Variants in NAA25 observed in about 807,000 individuals in gnomAD.
The protein encoded by NAA25 is N-terminal acetyltransferase B complex subunit NAA25.
A neutral mutation model predicts 132.5 loss-of-function variants in NAA25; 30 were observed. The observed-to-expected ratio is 0.23, with a 90% CI of 0.17 to 0.31. NAA25 has a LOEUF of 0.31. NAA25 is among the 10% of genes least tolerant of loss of function. The probability of loss-of-function intolerance (pLI) is 1.00; values close to 1 mark genes in which losing one functional copy is unlikely to be tolerated. For missense variants in NAA25, 771 were observed against 1,150.4 expected, an observed-to-expected ratio of 0.67 and a Z score of 4.77; for synonymous variants, 359 against 401.9, an observed-to-expected ratio of 0.89 and a Z score of 1.28.
intron 22 of NAA25, among the ~76,000 whole-genome samples, chr12:112,037,076 G>C (rs2078233515): frequency 6.6e-6 from 1 of 151,730 alleles, no homozygotes; most frequent in South Asian, 2.1e-4. Flanking sequence ...TACCAAGTAT[G>C]TGGAGCATTT....
chr12:112,107,749 G>GTAA (rs2079383838), intron 1 of NAA25, among the ~76,000 whole-genome samples: 1 of 152,098 alleles, frequency 6.6e-6, no homozygotes. Flanking sequence ...CACTGACCTT[G>GTAA]AAGCTTCCTC....
intron 1 of NAA25, among the ~76,000 whole-genome samples, chr12:112,094,362 G>A (rs1461444984): frequency 6.6e-6 from 1 of 151,444 alleles, no homozygotes; most frequent in Admixed American, 6.6e-5. Flanking sequence ...ATATTTAGAT[G>A]AGATGACATT....
intron 2 of NAA25, among the ~76,000 whole-genome samples, chr12:112,091,972 G>A (rs2079136883): frequency 6.6e-6 from 1 of 152,252 alleles, no homozygotes; most frequent in African/African-American, 2.4e-5. Context: ...CAGGCACAGT[G>A]GCTCACGCCT....
chr12:112,102,573 G>A (rs1429538884), intron 1 of NAA25, among the ~76,000 whole-genome samples: 1 of 152,048 alleles, frequency 6.6e-6, no homozygotes, highest in Non-Finnish European at 1.5e-5. Flanking sequence ...ATAGTTTTTT[G>A]TTTATTTGTT....
In NAA25 at chr12:112,108,745, G is replaced by C. The variant is rs1350777616; in HGVS notation, c.29C>G (p.Pro10Arg). The change falls in exon 1 of 24, where the codon CCT becomes CGT. Residue 10 changes from proline (P) to arginine (R), a missense_variant. By Grantham distance (103) the Pro-to-Arg change is moderately radical (BLOSUM62 -2). Around this residue, in one of 3 missense-constraint regions of NAA25, gnomAD observed 30 missense variants for 16.6 expected, o/e 1.81. Coordinates refer to ENST00000261745, the MANE Select transcript of NAA25 (RefSeq NM_024953.4). ...AATGGGCCGGAGGCGCCTGTCGTTA[G>C]GGTCCTGCACATGGCCCCGCGTCGC... MATRGHVQD[P>R]NDRRLRPIYD... The C allele has an allele frequency of 1.2e-5, 19 of 1,529,930 alleles. No homozygotes were observed. Among genetic ancestry groups the C allele is most frequent in the Non-Finnish European group, 1.6e-5 (18 of 1,136,072 alleles). 94.8% of individuals were successfully genotyped at this position (1,529,930 alleles called of 1,614,324 possible).
intron 22 of NAA25, among the ~76,000 whole-genome samples, chr12:112,037,289 T>C (rs1593746140): frequency 1.1e-5 from 1 of 91,206 alleles, no homozygotes; most frequent in South Asian, 3.1e-4. Flanking sequence ...TATATATATA[T>C]ATATATATAT....
intron 3 of NAA25, 152 bp downstream of exon 3, chr12:112,090,574 C>CT (rs780408498): frequency 8.1e-6 from 5 of 620,860 alleles, no homozygotes; most frequent in Non-Finnish European, 1.3e-5. Context: ...ACTATCCTTT[C>CT]TATCTACAGT....
At chr12:112,108,040 T>G (rs1878665668) in intron 1 of NAA25, among the ~76,000 whole-genome samples, 1 of 151,730 alleles carries the variant, frequency 6.6e-6, no homozygotes, top group African/African-American at 2.4e-5. Flanking sequence ...CTCCAGTAGC[T>G]CTGCATGCCC....
intron 17 of NAA25, among the ~76,000 whole-genome samples, chr12:112,045,486 C>CAAA (rs75644384): frequency 6.1e-4 from 49 of 80,042 alleles, no homozygotes; most frequent in Non-Finnish European, 1.1e-3. Context: ...GACTCCATCA[C>CAAA]AAAAAAAAAA....
chr12:112,053,645 G>T lies in NAA25; in HGVS notation c.1641C>A (p.Thr547=), dbSNP rs758796360. 6.2e-7 allele frequency: 1 copy of T among 1,603,106 alleles called. No individual in the cohort carries two copies. The highest frequency in any genetic ancestry group is 1.1e-5 in the South Asian group (1 of 89,712). The change falls in exon 15 of 24, where the codon ACC becomes ACA. Residue 547 remains threonine (T), a synonymous_variant. Coordinates refer to ENST00000261745, the MANE Select transcript of NAA25 (RefSeq NM_024953.4). ...ACTGACCTAGAGATTCAGCATATCG[G>T]GTCAAAAGATAACTAGATCAGAAGG... ...IQHDTIGYLL[T]RYAESLGQYA...
chr12:112,063,380 G>T (rs2136865744), intron 11 of NAA25, among the ~76,000 whole-genome samples: 1 of 152,288 alleles, frequency 6.6e-6, no homozygotes, highest in South Asian at 2.1e-4. Flanking sequence ...CTAAGTGTGA[G>T]TAGAACAGCC....
chr12:112,069,519 A>G (rs1393220433), intron 10 of NAA25, among the ~76,000 whole-genome samples: 1 of 152,004 alleles, frequency 6.6e-6, no homozygotes, highest in Non-Finnish European at 1.5e-5. Flanking sequence ...AAATTAAATT[A>G]AGTTAAAGAT....
chr12:112,108,313 T>C (rs780477471), intron 1 of NAA25, among the ~76,000 whole-genome samples: 15 of 152,186 alleles, frequency 9.9e-5, no homozygotes, highest in South Asian at 8.3e-4. Context: ...TAAAAAAAAA[T>C]CTCTGGTAGG....
intron 13 of NAA25, among the ~76,000 whole-genome samples, chr12:112,057,408 T>C (rs900794880): frequency 1.3e-5 from 2 of 152,166 alleles, no homozygotes; most frequent in Non-Finnish European, 2.9e-5. Context: ...AGCCTATCTG[T>C]GTGGGGATCA....
At chr12:112,047,120 T>C (rs1459038951) in intron 17 of NAA25, among the ~76,000 whole-genome samples, 2 of 152,176 alleles carry the variant, frequency 1.3e-5, no homozygotes, top group Non-Finnish European at 2.9e-5. Flanking sequence ...TGAGCTATAC[T>C]TTCTTCATTT....
At chr12:112,057,871 C>T (rs982495068) in intron 13 of NAA25, among the ~76,000 whole-genome samples, 11 of 152,124 alleles carry the variant, frequency 7.2e-5, no homozygotes, top group Admixed American at 7.2e-4. Flanking sequence ...GTCCCAGCTA[C>T]CTGGGAGGCT....
At chr12:112,041,430 T>TCA (rs2078300284) in intron 20 of NAA25, among the ~76,000 whole-genome samples, 1 of 152,024 alleles carries the variant, frequency 6.6e-6, no homozygotes, top group African/African-American at 2.4e-5. Context: ...CCTCGTGATC[T>TCA]GCCTGCCTCA....
chr12:112,091,391 T>C (rs2079127882), intron 2 of NAA25, among the ~76,000 whole-genome samples: 1 of 150,434 alleles, frequency 6.6e-6, no homozygotes, highest in Non-Finnish European at 1.5e-5. Context: ...TAGAAAAAAT[T>C]TGAAGGAAAA....
At chr12:112,095,924 A>G (rs1000920478) in intron 1 of NAA25, among the ~76,000 whole-genome samples, 1 of 152,194 alleles carries the variant, frequency 6.6e-6, no homozygotes, top group African/African-American at 2.4e-5. Context: ...TACATTTGTC[A>G]AACCCAGAGA....
Sources: gnomAD v4.1 joint callset for allele counts (sites outside exome capture counted in the v4.1 genomes callset) on GRCh38, gnomAD v4.1.1 for gene constraint, gnomAD v4.1.1 regional missense constraint, MANE v1.5 for transcripts, NCBI Gene and HGNC (gene_info 2026-07-23, HGNC 2026-07-21) for gene names.